Variants in SENP1 observed in about 807,000 individuals in gnomAD.
The protein encoded by SENP1 is sentrin-specific protease 1.
In SENP1, 21 loss-of-function variants were observed where a neutral mutation model predicts 93.0. The ratio of observed to expected loss-of-function variants is 0.23; its 90% CI spans 0.16 to 0.33. The LOEUF is 0.33. Among genes scored for constraint, SENP1 ranks in the 10% least tolerant of loss-of-function variants. SENP1 has a pLI of 1.00. For missense variants in SENP1, 591 were observed against 758.7 expected (o/e 0.78, Z 2.60); for synonymous variants, 256 against 259.6 (o/e 0.99, Z 0.13).
At chr12:48,049,175 T>G in intron 13 of SENP1, 43 bp from the exon 14 acceptor site, 3 of 1,467,372 alleles carry the variant, frequency 2.0e-6, no homozygotes, top group Non-Finnish European at 1.9e-6. Context: ...CACTCAGGCC[T>G]AGCCTTTCAA....
intron 13 of SENP1, among the ~76,000 whole-genome samples, chr12:48,049,752 G>GA (rs1395907336): frequency 2.6e-5 from 4 of 152,136 alleles, no homozygotes; most frequent in African/African-American, 9.7e-5. Context: ...AATTATACTG[G>GA]AAAAACACCT....
chr12:48,066,233 T>C (rs17122613), intron 10 of SENP1, among the ~76,000 whole-genome samples: 34,522 of 152,028 alleles, frequency 0.23, 4,594 homozygotes, highest in East Asian at 0.55. Context: ...TTTTAAAAAA[T>C]TACCGAGACC....
chr12:48,058,885 T>C (rs1230061629), intron 13 of SENP1, among the ~76,000 whole-genome samples: 1 of 152,222 alleles, frequency 6.6e-6, no homozygotes, highest in Non-Finnish European at 1.5e-5. Context: ...TTGAAAGATA[T>C]ATTTGCTGGG....
chr12:48,059,619 G>C (rs146234232), intron 13 of SENP1, among the ~76,000 whole-genome samples: 1 of 152,206 alleles, frequency 6.6e-6, no homozygotes, highest in African/African-American at 2.4e-5. Context: ...CCCGCCTCAT[G>C]TATGTCTGGT....
rs966550282 is a variant in SENP1 at position 48,093,636 on chromosome 12, G to A, written c.220+2707C>T. On this transcript the variant is annotated intron_variant, in intron 4 of 17. Transcript: ENST00000549518. ...ATGTGAAAAAAAATTTTGGTTTTCA[G>A]AGGTTTTTGGATTTTGGAATTGCAC... Among the ~76,000 whole-genome samples, 3 of 151,536 alleles carry A rather than the reference G, an allele frequency of 2.0e-5. No individual in the cohort carries two copies. In the East Asian group the frequency reaches 5.8e-4, roughly 29 times the overall value.
chr12:48,062,922 C>G (rs769234639), intron 13 of SENP1, among the ~76,000 whole-genome samples: 3 of 152,150 alleles, frequency 2.0e-5, no homozygotes, highest in Non-Finnish European at 2.9e-5. Context: ...TTAATGATTA[C>G]TACACTGAGA....
chr12:48,089,022 C>G, intron 4 of SENP1, 62 bp from the exon 5 acceptor site: 1 of 1,531,264 alleles, frequency 6.5e-7, no homozygotes, highest in Non-Finnish European at 8.9e-7. Context: ...CTTATGACTG[C>G]AACCATGACC....
At position 48,056,790 on chromosome 12, in the gene SENP1, ATTAT is replaced by A. The variant is rs1470226117; in HGVS notation, c.1407+6916_1407+6919del. ...TTAACATATTACATATTACATATAT[ATTAT>A]TTAATATATTACATATTACATATAT... On this transcript the variant is annotated intron_variant, in intron 13 of 17. Transcript: ENST00000549518. Among the ~76,000 whole-genome samples, 3 of 68,084 alleles carry A rather than the reference ATTAT, an allele frequency of 4.4e-5. 1 individual carries two copies. Among genetic ancestry groups the A allele is most frequent in the Admixed American group, 4.5e-4 (2 of 4,470 alleles). The allele number at this position is 68,084 out of a possible 152,430, so 44.7% of individuals were successfully genotyped here.
At chr12:48,078,334 T>TATATATATATATATAC in intron 6 of SENP1, among the ~76,000 whole-genome samples, 22 of 67,908 alleles carry the variant, frequency 3.2e-4, no homozygotes, top group East Asian at 1.1e-3. Context: ...TATATATATA[T>TATATATATATATATAC]ACACACACAT....
chr12:48,049,581 TA>T (rs1941640428), intron 13 of SENP1, among the ~76,000 whole-genome samples: 1 of 152,210 alleles, frequency 6.6e-6, no homozygotes, highest in African/African-American at 2.4e-5. Context: ...TTAGTCAAGT[TA>T]AAATCAAGAA....
In SENP1 at chr12:48,074,593, C is replaced by T; in HGVS notation, c.671G>A (p.Ser224Asn). The T allele has an allele frequency of 6.2e-7, 1 of 1,612,362 alleles. No individual in the cohort carries two copies. The highest frequency in any genetic ancestry group is 8.5e-7 in the Non-Finnish European group (1 of 1,178,952). Residue 224 changes from serine to asparagine, a missense_variant, in exon 8 of 18, where the codon AGT becomes AAT. By Grantham distance (46) the Ser-to-Asn change is conservative. This residue lies in a region of SENP1 where 7 missense variants were observed against 26.1 expected (regional missense o/e 0.27). Transcript: ENST00000549518. ...HFPLHLSRCLSSSKNTLKDSL... is the reference protein window; with the variant it reads ...HFPLHLSRCLNSSKNTLKDSL... ...GTCTTTCAAAGTATTTTTACTGGAA[C>T]TAAGACATCGAGACCTAGCAAGAGA...
Position 48,045,315 on chromosome 12 carries a change from A to C in SENP1, c.*7T>G. The C allele has an allele frequency of 6.2e-7, 1 of 1,612,718 alleles. No individual in the cohort carries two copies. Among genetic ancestry groups the C allele is most frequent in the Non-Finnish European group, 8.5e-7 (1 of 1,178,922 alleles). On this transcript the variant is annotated 3_prime_UTR_variant, in exon 18 of 18. Transcript: ENST00000549518. Reference sequence around the variant, plus strand: ...ACATGGTCAAGGTCTGCTAAGTGAGACAGTCTTCACAAGAGTTTTCGGTGG... The same window carrying C: ...ACATGGTCAAGGTCTGCTAAGTGAGCCAGTCTTCACAAGAGTTTTCGGTGG...
intron 4 of SENP1, among the ~76,000 whole-genome samples, chr12:48,094,478 G>A (rs1945422081): frequency 6.6e-6 from 1 of 151,980 alleles, no homozygotes; most frequent in Admixed American, 6.6e-5. Context: ...TCAGGAGTTC[G>A]AGAACAACCT....
chr12:48,065,052 G>A lies in SENP1; in HGVS notation c.1275+13C>T, dbSNP rs1338856310. 2.6e-6 allele frequency: 4 copies of A among 1,515,232 alleles called. No individual in the cohort carries two copies. The African/African-American group carries it at 5.5e-5, about 21-fold the overall frequency. 93.9% of individuals were successfully genotyped at this position (1,515,232 alleles called of 1,614,324 possible). A position where few individuals can be genotyped will look rare whatever the true frequency, so the allele number is the denominator to read the frequency against. ...ATACTTAGTAGTGTAGAAATTAAGT[G>A]TATGTAACTTACCTCTGTAATTTCA... On this transcript the variant is annotated intron_variant, in intron 12 of 17. Coordinates refer to ENST00000549518, the MANE Select transcript of SENP1 (RefSeq NM_001267594.2).
intron 4 of SENP1, 37 bp downstream of exon 4, chr12:48,096,305 AG>A (rs781679836): frequency 8.6e-7 from 1 of 1,167,766 alleles, no homozygotes; most frequent in Admixed American, 2.1e-5. Context: ...GAAATCCAAA[AG>A]GTATAAAGTC....
At chr12:48,088,580 C>T in intron 5 of SENP1, 1 of 507,358 alleles carries the variant, frequency 2.0e-6, no homozygotes, top group Non-Finnish European at 3.5e-6. Context: ...CCAAGATTTA[C>T]TTAAAATTCT....
In SENP1 at chr12:48,065,580, C is replaced by T. The variant is rs1166038924; in HGVS notation, c.1119+16G>A. On this transcript the variant is annotated intron_variant, in intron 11 of 17. Transcript: ENST00000549518. ...GTACTATTTATTTGTAATATTATTC[C>T]AATTTTCTTTTTTACCTGGTTTTGA... 6.7e-7 allele frequency: 1 copy of T among 1,497,872 alleles called. No homozygotes were observed. The highest frequency in any genetic ancestry group is 1.2e-5 in the South Asian group (1 of 80,758). 92.8% of individuals were successfully genotyped at this position (1,497,872 alleles called of 1,614,324 possible). A position where few individuals can be genotyped will look rare whatever the true frequency, so the allele number is the denominator to read the frequency against.
intron 13 of SENP1, among the ~76,000 whole-genome samples, chr12:48,052,750 T>G (rs959899138): frequency 6.6e-6 from 1 of 152,220 alleles, no homozygotes; most frequent in Non-Finnish European, 1.5e-5. Context: ...ATGGAGTCAT[T>G]TATGGAGAAT....
At chr12:48,071,625 T>C (rs1565770937) in intron 9 of SENP1, 42 bp downstream of exon 9, 3 of 1,382,694 alleles carry the variant, frequency 2.2e-6, no homozygotes, top group Non-Finnish European at 3.1e-6. Context: ...CAAAAAGATA[T>C]ATTAATTAAT....
Sources: allele counts gnomAD v4.1 joint callset (sites outside exome capture counted in the v4.1 genomes callset), GRCh38; gene constraint gnomAD v4.1.1; regional missense constraint gnomAD v4.1.1; transcripts MANE v1.5; gene names NCBI Gene and HGNC (gene_info 2026-07-23, HGNC 2026-07-21).